HAUS2: variants seen among roughly 807,000 people sequenced by gnomAD.
HAUS2 encodes HAUS augmin-like complex subunit 2.
Under a neutral mutation model 21.6 loss-of-function variants are expected in HAUS2, and 20 were observed. The observed-to-expected ratio is 0.93, with a 90% CI of 0.65 to 1.35. HAUS2 has a LOEUF of 1.35. HAUS2 is among the 40% of genes most tolerant of loss of function. The probability of loss-of-function intolerance (pLI) is 0.00; values close to 1 mark genes in which losing one functional copy is unlikely to be tolerated. For missense variants in HAUS2, 297 were observed against 280.7 expected, an observed-to-expected ratio of 1.06 and a Z score of -0.42; for synonymous variants, 113 against 95.6, an observed-to-expected ratio of 1.18 and a Z score of -1.06.
At chr15:42,560,846 G>T (rs779768318) in intron 3 of HAUS2, 2 of 702,110 alleles carry the variant, frequency 2.8e-6, no homozygotes, top group South Asian at 3.0e-5. Flanking sequence ...TCCCGTTTCA[G>T]TCTCCCAAAA....
At position 42,568,996 on chromosome 15, in the gene HAUS2, A is replaced by G. The variant is rs1419713976; in HGVS notation, c.*2180A>G. 6.6e-6 allele frequency: 1 copy of G among 152,250 alleles called. No homozygotes were observed. The highest frequency in any genetic ancestry group is 1.5e-5 in the Non-Finnish European group (1 of 68,042). The allele number at this position is 152,250 out of a possible 1,614,324, so 9.4% of individuals were successfully genotyped here. A position where few individuals can be genotyped will look rare whatever the true frequency, so the allele number is the denominator to read the frequency against. On this transcript the variant is annotated 3_prime_UTR_variant, in exon 6 of 6. Coordinates refer to ENST00000260372, the MANE Select transcript of HAUS2 (RefSeq NM_018097.3). ...TGGAGGTAGTCTTGGAGACCCTGGC[A>G]TACAAAGCAGTTCCTAAGTGTTTAC...
chr15:42,566,493 T>TTGAAG (rs1455567211), intron 5 of HAUS2, 114 bp from the exon 6 acceptor site: 1 of 658,434 alleles, frequency 1.5e-6, no homozygotes, highest in African/African-American at 1.8e-5. Context: ...TAAGGAGCTT[T>TTGAAG]TGAAGTAAGG....
chr15:42,551,652 A>G (rs1414471127), intron 1 of HAUS2, among the ~76,000 whole-genome samples: 1 of 151,932 alleles, frequency 6.6e-6, no homozygotes, highest in Non-Finnish European at 1.5e-5. Context: ...AAAAAAAACA[A>G]CCCCCCAACT....
rs749748089 is a variant in HAUS2, at chr15:42,561,361, C to A, written c.348C>A (p.Pro116=). Residue 116 remains proline, a synonymous_variant, in exon 4 of 6, where the codon CCC becomes CCA. Coordinates refer to ENST00000260372, the MANE Select transcript of HAUS2 (RefSeq NM_018097.3). ...CCCTTAGGCAAAGACTGTTGAAACC[C>A]ATGTGCCAGGAAAACTTACCTATTG... The part of the protein sequence containing the change: ...KRSLRQRLLK[P]MCQENLPIEA... 11 of 1,600,352 alleles carry A rather than the reference C, an allele frequency of 6.9e-6. No individual in the cohort carries two copies. Among genetic ancestry groups the A allele is most frequent in the Non-Finnish European group, 9.4e-6 (11 of 1,167,560 alleles).
chr15:42,562,671 A>G (rs1275797325), intron 4 of HAUS2, among the ~76,000 whole-genome samples: 1 of 152,240 alleles, frequency 6.6e-6, no homozygotes, highest in Non-Finnish European at 1.5e-5. Flanking sequence ...CTTAATGTAT[A>G]TATTGTACTA....
In HAUS2 at chr15:42,548,897, C is replaced by A; in HGVS notation, c.25C>A (p.Pro9Thr). 6.4e-7 allele frequency: 1 copy of A among 1,550,700 alleles called. No homozygotes were observed. The highest frequency in any genetic ancestry group is 8.7e-7 in the Non-Finnish European group (1 of 1,146,866). The change falls in exon 1 of 6, where the codon CCG becomes ACG. Residue 9 changes from proline to threonine, a missense_variant. Physicochemically the swap from Pro to Thr is conservative, Grantham distance 38. Coordinates refer to ENST00000260372, the MANE Select transcript of HAUS2 (RefSeq NM_018097.3). ...CATGGCCGCTGCCAACCCGTGGGACCCGGCGTCCGCGCCTAACGGCGCTGG... is the reference window on the plus strand; with the variant it reads ...CATGGCCGCTGCCAACCCGTGGGACACGGCGTCCGCGCCTAACGGCGCTGG... The part of the protein sequence containing the change: MAAANPWD[P>T]ASAPNGAGLV...
rs1477311269 is a variant in HAUS2 at position 42,558,256 on chromosome 15, A to G, written c.152A>G (p.Gln51Arg). Residue 51 changes from glutamine (Q) to arginine (R), a missense_variant, in exon 2 of 6, where the codon CAG becomes CGG. Physicochemically the swap from Gln to Arg is conservative, Grantham distance 43. Coordinates refer to ENST00000260372, the MANE Select transcript of HAUS2 (RefSeq NM_018097.3). ...VSCFVNFTRL[Q>R]QITNIQAEIY... is the part of the protein sequence containing the mutation. ...TGTTTTGTGAACTTCACCAGACTACAGCAGATCACAAATATTCAAGCTGAA... is the reference window on the plus strand; with the variant it reads ...TGTTTTGTGAACTTCACCAGACTACGGCAGATCACAAATATTCAAGCTGAA... 6.7e-7 allele frequency: 1 copy of G among 1,482,042 alleles called. No individual in the cohort carries two copies. Among genetic ancestry groups the G allele is most frequent in the African/African-American group, 1.4e-5 (1 of 71,968 alleles). 91.8% of individuals were successfully genotyped at this position (1,482,042 alleles called of 1,614,324 possible). A position where few individuals can be genotyped will look rare whatever the true frequency, so the allele number is the denominator to read the frequency against.
chr15:42,554,307 A>G (rs2141592890), intron 1 of HAUS2, among the ~76,000 whole-genome samples: 1 of 152,004 alleles, frequency 6.6e-6, no homozygotes, highest in East Asian at 1.9e-4. Context: ...ATTGTGGTAA[A>G]ATACATATAA....
At chr15:42,559,697 C>G (rs575831392) in intron 3 of HAUS2, among the ~76,000 whole-genome samples, 44 of 152,230 alleles carry the variant, frequency 2.9e-4, no homozygotes, top group African/African-American at 9.6e-4. Context: ...ACAACTAAAG[C>G]ACTGTATGAT....
chr15:42,560,047 T>A (rs2057831996), intron 3 of HAUS2, among the ~76,000 whole-genome samples: 1 of 152,024 alleles, frequency 6.6e-6, no homozygotes, highest in South Asian at 2.1e-4. Context: ...GCCAGTTACA[T>A]GAAAGGCTGA....
rs890071526 is a variant in HAUS2, at chr15:42,569,060, A to G, written c.*2244A>G. 6.6e-6 allele frequency: 1 copy of G among 152,204 alleles called. No homozygotes were observed. Among genetic ancestry groups the G allele is most frequent in the African/African-American group, 2.4e-5 (1 of 41,440 alleles). 9.4% of individuals were successfully genotyped at this position (152,204 alleles called of 1,614,324 possible). On this transcript the variant is annotated 3_prime_UTR_variant, in exon 6 of 6. Transcript: ENST00000260372. Reference sequence around the variant, plus strand: ...AATAGGCAAAGAAGAAACAGCAAAGAAAAAGGCACACTGTGGTATAACTTT... The same window carrying G: ...AATAGGCAAAGAAGAAACAGCAAAGGAAAAGGCACACTGTGGTATAACTTT...
intron 4 of HAUS2, among the ~76,000 whole-genome samples, chr15:42,562,430 A>C (rs1472004255): frequency 6.6e-6 from 1 of 152,160 alleles, no homozygotes; most frequent in African/African-American, 2.4e-5. Flanking sequence ...CCCCATCTCT[A>C]CCAAAACATA....
chr15:42,554,994 A>ATT (rs1302787324), intron 1 of HAUS2, among the ~76,000 whole-genome samples: 1 of 141,964 alleles, frequency 7.0e-6, no homozygotes, highest in Non-Finnish European at 1.6e-5. Context: ...TGCCTGGCTA[A>ATT]TTTTTTTTTT....
At chr15:42,549,115 G>T (rs565993921) in intron 1 of HAUS2, 150 bp downstream of exon 1, 2 of 573,762 alleles carry the variant, frequency 3.5e-6, no homozygotes, top group Admixed American at 6.1e-5. Flanking sequence ...CAACAGCCGC[G>T]AACGTTCTGC....
At chr15:42,566,201 A>C (rs2057904773) in intron 5 of HAUS2, among the ~76,000 whole-genome samples, 1 of 143,608 alleles carries the variant, frequency 7.0e-6, no homozygotes, top group Admixed American at 7.0e-5. Flanking sequence ...ACACCATCTC[A>C]AAAAAAAAAA....
intron 1 of HAUS2, among the ~76,000 whole-genome samples, chr15:42,556,828 A>G (rs529481683): frequency 2.2e-4 from 33 of 147,034 alleles, no homozygotes; most frequent in African/African-American, 8.0e-4. Context: ...AACATGGTGA[A>G]ACCCCAACTG....
In HAUS2 at chr15:42,568,015, TA is replaced by T. The variant is rs10710908; in HGVS notation, c.*1215del. 126,418 of 143,044 alleles carry T rather than the reference TA, an allele frequency of 0.88. 56,535 individuals carry two copies. The highest frequency in any genetic ancestry group is 0.98 in the Non-Finnish European group (64,069 of 65,568). The allele number at this position is 143,044 out of a possible 1,614,324, so 8.9% of individuals were successfully genotyped here. A position where few individuals can be genotyped will look rare whatever the true frequency, so the allele number is the denominator to read the frequency against. The stretch of plus-strand genomic sequence containing the variant: ...TGGGCAACAGAGCAAGACTCTGTCT[TA>T]AAAAAAAAAAAAAAAGGTGTTTCTG... On this transcript the variant is annotated 3_prime_UTR_variant, in exon 6 of 6. Coordinates refer to ENST00000260372, the MANE Select transcript of HAUS2 (RefSeq NM_018097.3).
chr15:42,563,284 C>T (rs1197324248), intron 4 of HAUS2, among the ~76,000 whole-genome samples: 2 of 150,898 alleles, frequency 1.3e-5, no homozygotes, highest in Non-Finnish European at 1.5e-5. Context: ...TGGTGGTGGG[C>T]GCCTGTAATC....
In HAUS2 at chr15:42,563,862, G is replaced by A; in HGVS notation, c.498+5G>A. 1 of 1,221,036 alleles carries A rather than the reference G, an allele frequency of 8.2e-7. No homozygotes were observed. The highest frequency in any genetic ancestry group is 1.5e-5 in the African/African-American group (1 of 66,038). The allele number at this position is 1,221,036 out of a possible 1,614,324, so 75.6% of individuals were successfully genotyped here. ...GCTGCAAATCTAAAGAAAATGGTGA[G>A]TATTAATATAGCAATCTTCAGTTAT... On this transcript the variant is annotated splice_donor_5th_base_variant and intron_variant, in intron 5 of 5. Coordinates refer to ENST00000260372, the MANE Select transcript of HAUS2 (RefSeq NM_018097.3).
Sources: gnomAD v4.1 joint callset for allele counts (sites outside exome capture counted in the v4.1 genomes callset) on GRCh38, gnomAD v4.1.1 for gene constraint, MANE v1.5 for transcripts, NCBI Gene and HGNC (gene_info 2026-07-23, HGNC 2026-07-21) for gene names.